Variants in SH3BGRL2 observed in about 807,000 individuals in gnomAD.
SH3BGRL2 encodes SH3 domain-binding glutamic acid-rich-like protein 2.
SH3BGRL2 carries 21 observed loss-of-function variants against 14.8 expected under a neutral mutation model. That is an observed-to-expected ratio of 1.42 (90% confidence interval 1.01 to 2.05). SH3BGRL2 has a LOEUF of 2.05. Among genes scored for constraint, SH3BGRL2 ranks in the 30% most tolerant of loss-of-function variants. The pLI is 0.00. For missense variants in SH3BGRL2, 147 were observed against 130.8 expected (o/e 1.12, Z -0.61); for synonymous variants, 50 against 47.8 (o/e 1.05, Z -0.19).
At chr6:79,549,771 A>C in the SH3BGRL2 span, among the ~76,000 whole-genome samples, 7 of 152,162 alleles carry the variant, frequency 4.6e-5, no homozygotes, top group African/African-American at 1.7e-4. Context: ...TACTGTCTAA[A>C]ATTAGTAAGT....
intron 2 of SH3BGRL2, among the ~76,000 whole-genome samples, chr6:79,676,897 A>G (rs895848597): frequency 6.6e-6 from 1 of 152,076 alleles, no homozygotes; most frequent in Non-Finnish European, 1.5e-5. Flanking sequence ...CAAGTAGACT[A>G]TCTGGGAGCT....
chr6:79,663,613 C>T (rs1225026911), intron 1 of SH3BGRL2, among the ~76,000 whole-genome samples: 1 of 152,186 alleles, frequency 6.6e-6, no homozygotes, highest in East Asian at 1.9e-4. Flanking sequence ...AGTTAGGCTA[C>T]ACAGGGATCA....
chr6:79,664,113 TGTCCTTCCCAGGTGAGGTGAC>T (rs1023996369), intron 1 of SH3BGRL2, among the ~76,000 whole-genome samples: 1 of 152,216 alleles, frequency 6.6e-6, no homozygotes, highest in Non-Finnish European at 1.5e-5. Context: ...CCCCAACCCC[TGTCCTTCCCAGGTGAGGTGAC>T]GTCCCACCCT....
At chr6:79,691,412 T>A (rs920458530) in intron 2 of SH3BGRL2, among the ~76,000 whole-genome samples, 2 of 151,590 alleles carry the variant, frequency 1.3e-5, no homozygotes, top group East Asian at 1.9e-4. Context: ...TGTGCAGGTT[T>A]GTTACATATG....
the SH3BGRL2 span, among the ~76,000 whole-genome samples, chr6:79,618,339 G>T: frequency 6.6e-6 from 1 of 152,062 alleles, no homozygotes; most frequent in Non-Finnish European, 1.5e-5. Context: ...TGTTCAAATT[G>T]ACCCAAATTT....
At chr6:79,553,574 G>C in the SH3BGRL2 span, among the ~76,000 whole-genome samples, 2 of 152,170 alleles carry the variant, frequency 1.3e-5, no homozygotes, top group East Asian at 3.8e-4. Context: ...CTAATGAACA[G>C]ACACCATCAG....
intron 1 of SH3BGRL2, among the ~76,000 whole-genome samples, chr6:79,664,650 G>A (rs528896344): frequency 6.6e-6 from 1 of 152,298 alleles, no homozygotes; most frequent in South Asian, 2.1e-4. Flanking sequence ...CCCACTTGCA[G>A]CAGCCAGAAC....
chr6:79,548,067 C>A, the SH3BGRL2 span, among the ~76,000 whole-genome samples: 1 of 152,056 alleles, frequency 6.6e-6, no homozygotes, highest in African/African-American at 2.4e-5. Context: ...TGAGGTCTCA[C>A]TATGTTGCCT....
intron 1 of SH3BGRL2, among the ~76,000 whole-genome samples, chr6:79,645,338 A>G (rs146899795): frequency 6.6e-6 from 1 of 151,980 alleles, no homozygotes; most frequent in East Asian, 1.9e-4. Context: ...AAATACTGGG[A>G]GTTACCTTTC....
At chr6:79,694,022 A>G (rs1018481494) in intron 2 of SH3BGRL2, among the ~76,000 whole-genome samples, 2 of 152,186 alleles carry the variant, frequency 1.3e-5, no homozygotes, top group Non-Finnish European at 2.9e-5. Flanking sequence ...TGAGACGTCT[A>G]GTTTGTGGAG....
chr6:79,656,575 A>G (rs1027511473), intron 1 of SH3BGRL2, among the ~76,000 whole-genome samples: 3 of 152,178 alleles, frequency 2.0e-5, no homozygotes, highest in African/African-American at 7.2e-5. Context: ...CCTTGGATTC[A>G]ACCATCCATG....
chr6:79,691,067 A>T (rs190340940), intron 2 of SH3BGRL2, among the ~76,000 whole-genome samples: 1 of 152,140 alleles, frequency 6.6e-6, no homozygotes, highest in Non-Finnish European at 1.5e-5. Context: ...AGATGGGAGG[A>T]TCACCTGAGC....
the SH3BGRL2 span, among the ~76,000 whole-genome samples, chr6:79,581,569 G>A: frequency 6.6e-6 from 1 of 152,196 alleles, no homozygotes; most frequent in Admixed American, 6.5e-5. Context: ...TGCAGAAAAG[G>A]CCTTTGACAA....
At chr6:79,600,238 T>A in the SH3BGRL2 span, among the ~76,000 whole-genome samples, 4 of 152,214 alleles carry the variant, frequency 2.6e-5, no homozygotes, top group Admixed American at 6.5e-5. Context: ...TTTTCTTACT[T>A]TCTCTAATGA....
At chr6:79,584,839 G>A in the SH3BGRL2 span, among the ~76,000 whole-genome samples, 948 of 152,226 alleles carry the variant, frequency 6.2e-3, 12 homozygotes, top group African/African-American at 0.021. Flanking sequence ...AGCAGAATCT[G>A]TCAATGTTTT....
the SH3BGRL2 span, among the ~76,000 whole-genome samples, chr6:79,591,321 C>G: frequency 2.4e-4 from 36 of 152,218 alleles, no homozygotes; most frequent in Admixed American, 5.9e-4. Flanking sequence ...GGCTATTGAT[C>G]TAATCTTTTT....
At chr6:79,545,175 C>G in the SH3BGRL2 span, among the ~76,000 whole-genome samples, 6 of 152,200 alleles carry the variant, frequency 3.9e-5, no homozygotes, top group Admixed American at 3.3e-4. Context: ...TGACCTGTTT[C>G]CCTTTGAGAG....
At chr6:79,598,668 G>A in the SH3BGRL2 span, among the ~76,000 whole-genome samples, 3 of 152,228 alleles carry the variant, frequency 2.0e-5, no homozygotes, top group African/African-American at 7.2e-5. Flanking sequence ...TTCTAAAATT[G>A]TTTGTGATGG....
the SH3BGRL2 span, among the ~76,000 whole-genome samples, chr6:79,558,970 C>G: frequency 1.3e-5 from 2 of 152,240 alleles, no homozygotes; most frequent in Non-Finnish European, 2.9e-5. Context: ...CACAAGGACA[C>G]AGAAGCCAGG....
Sources: allele counts gnomAD v4.1 joint callset (sites outside exome capture counted in the v4.1 genomes callset), GRCh38; gene constraint gnomAD v4.1.1; transcripts MANE v1.5; gene names NCBI Gene and HGNC (gene_info 2026-07-23, HGNC 2026-07-21).